Variants in DENND1A observed in about 807,000 individuals in gnomAD.
DENND1A encodes DENN domain-containing protein 1A.
DENND1A carries 51 observed loss-of-function variants against 113.7 expected under a neutral mutation model. The observed-to-expected ratio is 0.45, with a 90% CI of 0.36 to 0.57. The LOEUF (loss-of-function observed/expected upper bound fraction) is 0.57, where lower values mean the gene tolerates loss of function less well. Ranked by LOEUF, DENND1A falls within the 20% of genes least tolerant of loss-of-function variation. The probability of loss-of-function intolerance (pLI) is 0.00; values close to 1 mark genes in which losing one functional copy is unlikely to be tolerated. For missense variants in DENND1A, 1,258 were observed against 1,395.9 expected, an observed-to-expected ratio of 0.90 and a Z score of 1.57; for synonymous variants, 565 against 570.8, an observed-to-expected ratio of 0.99 and a Z score of 0.14.
chr9:123,669,072 TA>T (rs2063632053), intron 7 of DENND1A, among the ~76,000 whole-genome samples: 1 of 152,236 alleles, frequency 6.6e-6, no homozygotes, highest in African/African-American at 2.4e-5. Flanking sequence ...ATGAAATGCT[TA>T]CCATTCAATA....
intron 2 of DENND1A, among the ~76,000 whole-genome samples, chr9:123,829,088 A>G (rs1297942360): frequency 1.3e-5 from 2 of 152,216 alleles, no homozygotes; most frequent in Admixed American, 6.5e-5. Flanking sequence ...TCAGTGAAGT[A>G]TAACAGCTAC....
In DENND1A at chr9:123,757,684, C is replaced by T; in HGVS notation, c.302+19G>A. ...ATTGCTTCAGAGAACAAGCCAACAG[C>T]CCAAGCCTTCTCCCTTACCTTAAGA... On this transcript the variant is annotated intron_variant, in intron 5 of 23. Transcript: ENST00000394215. The T allele has an allele frequency of 2.5e-6, 4 of 1,612,584 alleles. No homozygotes were observed. Among genetic ancestry groups the T allele is most frequent in the Non-Finnish European group, 3.4e-6 (4 of 1,179,202 alleles).
intron 18 of DENND1A, among the ~76,000 whole-genome samples, chr9:123,450,448 G>A (rs1277354803): frequency 1.3e-5 from 2 of 152,230 alleles, no homozygotes; most frequent in African/African-American, 4.8e-5. Context: ...GGGACAGCCC[G>A]ACAGTGGCAA....
intron 13 of DENND1A, among the ~76,000 whole-genome samples, chr9:123,468,117 G>A (rs2049105425): frequency 1.3e-5 from 2 of 152,162 alleles, no homozygotes; most frequent in African/African-American, 4.8e-5. Flanking sequence ...TGGTCACTCT[G>A]AGAAGTGGCA....
At chr9:123,574,691 C>T (rs1437771576) in intron 12 of DENND1A, among the ~76,000 whole-genome samples, 1 of 152,126 alleles carries the variant, frequency 6.6e-6, no homozygotes, top group African/African-American at 2.4e-5. Context: ...GCCGGCAAAG[C>T]CTCTTCCTCA....
At chr9:123,512,402 T>A (rs1052976206) in intron 13 of DENND1A, among the ~76,000 whole-genome samples, 1 of 152,222 alleles carries the variant, frequency 6.6e-6, no homozygotes, top group African/African-American at 2.4e-5. Flanking sequence ...GGCACTCGGC[T>A]CACTTCACTT....
chr9:123,682,237 T>G (rs1339243133), intron 5 of DENND1A, among the ~76,000 whole-genome samples: 1 of 152,090 alleles, frequency 6.6e-6, no homozygotes, highest in Non-Finnish European at 1.5e-5. Context: ...ATAAAAGTAA[T>G]TTGCAATAAA....
At chr9:123,395,247 C>A (rs2043054253) in intron 21 of DENND1A, among the ~76,000 whole-genome samples, 1 of 152,108 alleles carries the variant, frequency 6.6e-6, no homozygotes, top group South Asian at 2.1e-4. Context: ...CCTGTGGTGA[C>A]AGCTCCTGGG....
rs1188816435 is a variant in DENND1A at position 123,713,472 on chromosome 9, T to A, written c.303-36683A>T. Among the ~76,000 whole-genome samples the A allele has an allele frequency of 5.9e-5, 9 of 152,362 alleles. No individual in the cohort carries two copies. In the East Asian group the frequency reaches 1.7e-3, roughly 29 times the overall value. The stretch of plus-strand genomic sequence containing the variant: ...CTGGAATCACTTAAGAGACATCTGT[T>A]ATCATCTGGGAATCAGAGATTAGAG... On this transcript the variant is annotated intron_variant, in intron 5 of 23. Coordinates refer to ENST00000394215, the MANE Select transcript of DENND1A (RefSeq NM_001352964.2).
At chr9:123,687,767 C>G (rs2140319713) in intron 5 of DENND1A, among the ~76,000 whole-genome samples, 1 of 152,332 alleles carries the variant, frequency 6.6e-6, no homozygotes, top group South Asian at 2.1e-4. Context: ...GCAAGCAGCC[C>G]TTCTTCTTGC....
chr9:123,485,847 C>G (rs574741898), intron 13 of DENND1A, among the ~76,000 whole-genome samples: 1 of 150,236 alleles, frequency 6.7e-6, no homozygotes, highest in Non-Finnish European at 1.5e-5. Flanking sequence ...CCTCCACATG[C>G]GGAGGCTAAA....
chr9:123,596,333 T>C (rs1446442960), intron 11 of DENND1A, among the ~76,000 whole-genome samples: 2 of 152,226 alleles, frequency 1.3e-5, no homozygotes, highest in African/African-American at 4.8e-5. Flanking sequence ...CTTACGCTAT[T>C]CACATACACT....
intron 6 of DENND1A, among the ~76,000 whole-genome samples, chr9:123,674,589 C>T (rs1394463908): frequency 1.3e-5 from 2 of 152,152 alleles, no homozygotes; most frequent in African/African-American, 4.8e-5. Context: ...ATTCTTTTAA[C>T]CAAAGGGGGA....
intron 1 of DENND1A, among the ~76,000 whole-genome samples, chr9:123,912,235 C>T (rs630991): frequency 0.21 from 32,393 of 151,716 alleles, 5,407 homozygotes; most frequent in African/African-American, 0.47. Flanking sequence ...AACAAAAAAC[C>T]CTGCACATTA....
At chr9:123,437,369 C>A (rs1474091593) in intron 19 of DENND1A, among the ~76,000 whole-genome samples, 1 of 152,186 alleles carries the variant, frequency 6.6e-6, no homozygotes, top group East Asian at 1.9e-4. Flanking sequence ...CTCTTGCCAG[C>A]CCCCGCTGCA....
At chr9:123,741,255 GAAAT>G (rs2068997103) in intron 5 of DENND1A, among the ~76,000 whole-genome samples, 1 of 152,100 alleles carries the variant, frequency 6.6e-6, no homozygotes, top group South Asian at 2.1e-4. Flanking sequence ...GGCATACCTG[GAAAT>G]AAATATTCTA....
chr9:123,701,752 C>T (rs2065897917), intron 5 of DENND1A, among the ~76,000 whole-genome samples: 1 of 152,178 alleles, frequency 6.6e-6, no homozygotes, highest in South Asian at 2.1e-4. Context: ...GCTAAGCTAC[C>T]ACAGCTACAG....
rs538691610 is a variant in DENND1A, at chr9:123,382,406, T to C, written c.2239A>G (p.Lys747Glu). The C allele has an allele frequency of 7.5e-6, 12 of 1,601,520 alleles. No homozygotes were observed. In the South Asian group the frequency reaches 1.3e-4, roughly 18 times the overall value. The stretch of plus-strand genomic sequence containing the variant: ...AGAGTAGGGGTGGGCACCTCCTCCT[T>C]GTCACTGGGGTTCAGGATGCTGTCC... ...NRDSILNPSDKEEVPTPTLGS... is the reference protein window; with the variant it reads ...NRDSILNPSDEEEVPTPTLGS... The change falls in exon 24 of 24, where the codon AAG (lysine) becomes GAG (glutamate). Residue 747 changes from lysine (K) to glutamate (E), a missense_variant. Coordinates refer to ENST00000394215, the MANE Select transcript of DENND1A (RefSeq NM_001352964.2).
chr9:123,833,970 T>A (rs1212273138), intron 2 of DENND1A, among the ~76,000 whole-genome samples: 1 of 152,092 alleles, frequency 6.6e-6, no homozygotes, highest in Non-Finnish European at 1.5e-5. Flanking sequence ...GCAGGAGAAT[T>A]GCTTGAACCT....
Sources: gnomAD v4.1 joint callset for allele counts (sites outside exome capture counted in the v4.1 genomes callset) on GRCh38, gnomAD v4.1.1 for gene constraint, MANE v1.5 for transcripts, NCBI Gene and HGNC (gene_info 2026-07-23, HGNC 2026-07-21) for gene names.